The following UGT2B7 variants were observed in gnomAD, a reference collection of about 807,000 sequenced individuals.
UGT2B7 encodes the protein UDP glucuronosyltransferase family 2 member B7, also known as UDP-glucuronosyltransferase 2B7.
UGT2B7 carries 51 observed loss-of-function variants against 51.9 expected under a neutral mutation model. That is an observed-to-expected ratio of 0.98 (90% CI 0.78 to 1.24). The LOEUF (loss-of-function observed/expected upper bound fraction) is 1.24, where lower values mean the gene tolerates loss of function less well. Ranked by LOEUF, UGT2B7 falls within the 50% of genes most tolerant of loss-of-function variation. The pLI, the probability that UGT2B7 is intolerant of heterozygous loss-of-function variation, is 0.00. For missense variants in UGT2B7, 727 were observed against 628.4 expected (o/e 1.16, Z -1.68); for synonymous variants, 225 against 211.6 (o/e 1.06, Z -0.55).
At chr4:69,059,981 A>G (rs532556789) in intron 1 of UGT2B7, among the ~76,000 whole-genome samples, 6 of 152,266 alleles carry the variant, frequency 3.9e-5, no homozygotes, top group African/African-American at 1.4e-4. Context: ...TTGCTTTTCA[A>G]TGGGGTAAAT....
chr4:69,102,835 G>C lies in UGT2B7; in HGVS notation c.899G>C (p.Gly300Ala). 1 of 1,613,414 alleles carries C rather than the reference G, an allele frequency of 6.2e-7. No individual in the cohort carries two copies. The highest frequency in any genetic ancestry group is 8.5e-7 in the Non-Finnish European group (1 of 1,179,644). ...KEMEDFVQSS[G>A]ENGVVVFSLG... ...ATGGAAGACTTTGTACAGAGCTCTG[G>C]AGAAAATGGTGTTGTGGTGTTTTCT... The change falls in exon 3 of 6, where the codon GGA becomes GCA. Residue 300 changes from glycine (G) to alanine (A), a missense_variant. Coordinates refer to ENST00000305231, the MANE Select transcript of UGT2B7 (RefSeq NM_001074.4).
intron 1 of UGT2B7, among the ~76,000 whole-genome samples, chr4:69,087,483 G>A (rs966042038): frequency 7.8e-4 from 118 of 151,898 alleles, no homozygotes; most frequent in African/African-American, 2.6e-3. Context: ...CACAATTATA[G>A]TATTAGAGTA....
chr4:69,078,973 C>T (rs1379557339), intron 1 of UGT2B7, among the ~76,000 whole-genome samples: 2 of 152,112 alleles, frequency 1.3e-5, no homozygotes, highest in African/African-American at 2.4e-5. Context: ...CAAAGCAAGA[C>T]TACTGGGCTG....
At chr4:69,074,669 A>T (rs1718666136) in intron 1 of UGT2B7, among the ~76,000 whole-genome samples, 1 of 151,964 alleles carries the variant, frequency 6.6e-6, no homozygotes, top group Non-Finnish European at 1.5e-5. Context: ...CTCCAGTTAC[A>T]CACACATTTT....
chr4:69,101,329 A>G (rs1040133948), intron 2 of UGT2B7, among the ~76,000 whole-genome samples: 2 of 152,008 alleles, frequency 1.3e-5, no homozygotes, highest in African/African-American at 4.8e-5. Context: ...AAAATTTTAG[A>G]AAAATTTTAT....
At chr4:69,083,357 T>C (rs76394897) in intron 1 of UGT2B7, among the ~76,000 whole-genome samples, 1 of 152,134 alleles carries the variant, frequency 6.6e-6, no homozygotes, top group Non-Finnish European at 1.5e-5. Context: ...ATTTCTGTGA[T>C]TAATATGGGC....
intron 1 of UGT2B7, among the ~76,000 whole-genome samples, chr4:69,057,027 A>G (rs1443792744): frequency 6.6e-6 from 1 of 152,242 alleles, no homozygotes; most frequent in East Asian, 1.9e-4. Context: ...TCAACTCATG[A>G]CTTAGAAACT....
At position 69,097,457 on chromosome 4, in the gene UGT2B7, C is replaced by T. The variant is rs1198796766; in HGVS notation, c.721+216C>T. 1.3e-5 allele frequency among the ~76,000 whole-genome samples: 2 copies of T among 151,928 alleles called. No individual in the cohort carries two copies. Among genetic ancestry groups the T allele is most frequent in the Admixed American group, 6.6e-5 (1 of 15,224 alleles). ...TGTGGCCATCACTCACACAGAACAC[C>T]CCAGGAAATCATAAACCTATACATT... On this transcript the variant is annotated intron_variant, in intron 1 of 5. Transcript: ENST00000305231.
chr4:69,058,691 A>G lies in UGT2B7; in HGVS notation c.-159+7089A>G, dbSNP rs77813208. On this transcript the variant is annotated intron_variant, in intron 1 of 5. Coordinates refer to the UGT2B7 transcript ENST00000502942. ...ATCAGGCAAAAATTGCAGAAAATGG[A>G]AGGTTTTGCAGGCATGAATGCTATT... is the stretch of plus-strand genomic sequence containing the variant. Among the ~76,000 whole-genome samples, 7 of 152,190 alleles carry G rather than the reference A, an allele frequency of 4.6e-5. No homozygotes were observed. The East Asian group carries it at 1.4e-3, about 29-fold the overall frequency.
At chr4:69,082,807 A>T (rs976359125) in intron 1 of UGT2B7, among the ~76,000 whole-genome samples, 1 of 152,160 alleles carries the variant, frequency 6.6e-6, no homozygotes, top group East Asian at 1.9e-4. Context: ...CAGAATTTGA[A>T]TGTTGACAAA....
intron 1 of UGT2B7, among the ~76,000 whole-genome samples, chr4:69,078,214 G>C (rs1012482003): frequency 1.2e-4 from 18 of 151,938 alleles, no homozygotes; most frequent in African/African-American, 3.9e-4. Context: ...ATTTTATTTA[G>C]GATTTTCAAA....
In UGT2B7 at chr4:69,112,502, A is replaced by AC; in HGVS notation, c.1358dup (p.Val454SerfsTer12). ...AATTATCAAGAATTCAACATGATCA[A>AC]CCAGTGAAGCCCCTGGATCGAGCAG... On this transcript the variant is annotated frameshift_variant, in exon 6 of 6. Transcript: ENST00000305231. LOFTEE classifies it high-confidence loss of function. 6.2e-7 allele frequency: 1 copy of AC among 1,613,926 alleles called. No individual in the cohort carries two copies. Among genetic ancestry groups the AC allele is most frequent in the Non-Finnish European group, 8.5e-7 (1 of 1,179,852 alleles).
chr4:69,086,786 AT>A (rs546984352), intron 1 of UGT2B7, among the ~76,000 whole-genome samples: 103 of 151,618 alleles, frequency 6.8e-4, no homozygotes, highest in African/African-American at 1.6e-3. Context: ...CTACTACTGT[AT>A]TTTTTTTATT....
chr4:69,055,098 T>TAAAAAAAAAAAAAAAAAAAAAAAA (rs1178892377), intron 1 of UGT2B7, among the ~76,000 whole-genome samples: 31 of 22,564 alleles, frequency 1.4e-3, no homozygotes, highest in Admixed American at 3.6e-3. Flanking sequence ...AAGTAATAGC[T>TAAAAAAAAAAAAAAAAAAAAAAAA]AAAAAAAAAA....
intron 3 of UGT2B7, among the ~76,000 whole-genome samples, chr4:69,106,728 A>C (rs927920207): frequency 3.3e-5 from 5 of 152,106 alleles, no homozygotes; most frequent in Admixed American, 1.3e-4. Flanking sequence ...ATTATAAGCA[A>C]GCCTTTTCTA....
chr4:69,102,655 A>T, intron 2 of UGT2B7, 152 bp from the exon 3 acceptor site: 1 of 1,225,428 alleles, frequency 8.2e-7, no homozygotes, highest in South Asian at 1.6e-5. Context: ...CTTGCAAAAA[A>T]ACTGAGTGAT....
upstream of UGT2B7, among the ~76,000 whole-genome samples, chr4:69,094,599 A>G (rs1719169736): frequency 6.6e-6 from 1 of 152,238 alleles, no homozygotes; most frequent in African/African-American, 2.4e-5. Flanking sequence ...AGTCAGTGCA[A>G]CTTTTGTTGA....
intron 1 of UGT2B7, among the ~76,000 whole-genome samples, chr4:69,055,680 G>GT (rs1718175356): frequency 1.3e-5 from 2 of 152,256 alleles, no homozygotes; most frequent in Middle Eastern, 3.4e-3. Flanking sequence ...TGGAAAAACC[G>GT]TAACAGGAGA....
chr4:69,101,657 C>G (rs78408800), intron 2 of UGT2B7, among the ~76,000 whole-genome samples: 1 of 151,238 alleles, frequency 6.6e-6, no homozygotes, highest in Non-Finnish European at 1.5e-5. Flanking sequence ...TAAAAAAACA[C>G]TCTGTAATAT....
Sources: allele counts gnomAD v4.1 joint callset (sites outside exome capture counted in the v4.1 genomes callset), GRCh38; gene constraint gnomAD v4.1.1; transcripts MANE v1.5; gene names NCBI Gene and HGNC (gene_info 2026-07-23, HGNC 2026-07-21).